Variants in ACP7 observed in about 807,000 individuals in gnomAD.
The protein encoded by ACP7 is acid phosphatase 7, tartrate resistant (putative).
In ACP7, 58 loss-of-function variants were observed where a neutral mutation model predicts 60.6. The ratio of observed to expected loss-of-function variants is 0.96; its 90% CI spans 0.77 to 1.19. The LOEUF is 1.19. ACP7 is among the 50% of genes most tolerant of loss of function. ACP7 has a pLI of 0.00. For missense variants in ACP7, 574 were observed against 596.2 expected, an observed-to-expected ratio of 0.96 and a Z score of 0.39; for synonymous variants, 237 against 232.6, an observed-to-expected ratio of 1.02 and a Z score of -0.17.
In ACP7 at chr19:39,100,974, G is replaced by C. The variant is rs140635548; in HGVS notation, c.833G>C (p.Arg278Pro). Residue 278 changes from arginine (R) to proline (P), a missense_variant, in exon 8 of 13, where the codon CGG (arginine) becomes CCG (proline). Coordinates refer to ENST00000331256, the MANE Select transcript of ACP7 (RefSeq NM_001004318.3). ...LQKANKNRAA[R>P]PWIITMGHRP... ...AAAGCCAATAAGAACCGGGCAGCCC[G>C]GCCGTGGATCATCACTATGGGGCAC... 6.4e-7 allele frequency: 1 copy of C among 1,570,260 alleles called. No homozygotes were observed.
rs570161050 is a variant in ACP7 at position 39,085,341 on chromosome 19, C to T, written c.72C>T (p.Ser24=). Reference sequence around the variant, plus strand: ...TATTCTCCTTGGGAGTCCAGGGGTCCCTGGGGGCTCCCAGCGCTGCCCCAG... The same window carrying T: ...TATTCTCCTTGGGAGTCCAGGGGTCTCTGGGGGCTCCCAGCGCTGCCCCAG... ...LLLFSLGVQG[S]LGAPSAAPEQ... The change falls in exon 2 of 13, where the codon TCC becomes TCT. Residue 24 remains serine, a synonymous_variant. Coordinates refer to ENST00000331256, the MANE Select transcript of ACP7 (RefSeq NM_001004318.3). 15 of 1,613,682 alleles carry T rather than the reference C, an allele frequency of 9.3e-6. No individual in the cohort carries two copies. Among genetic ancestry groups the T allele is most frequent in the South Asian group, 2.2e-5 (2 of 91,012 alleles).
At chr19:39,101,885 C>T (rs2145020582) in intron 11 of ACP7, among the ~76,000 whole-genome samples, 1 of 147,076 alleles carries the variant, frequency 6.8e-6, no homozygotes, top group Non-Finnish European at 1.5e-5. Flanking sequence ...TCTGGAGGAT[C>T]ACTTGAGGCC....
chr19:39,101,562 G>T (rs1027685373), intron 11 of ACP7, 25 bp downstream of exon 11: 1 of 1,606,042 alleles, frequency 6.2e-7, no homozygotes, highest in Non-Finnish European at 8.5e-7. Context: ...GGGTGGCTTT[G>T]CCTTCTCTCT....
intron 2 of ACP7, 77 bp downstream of exon 2, chr19:39,085,467 C>T (rs752000935): frequency 2.7e-6 from 4 of 1,507,084 alleles, no homozygotes; most frequent in Non-Finnish European, 1.8e-6. Flanking sequence ...GCTCAGGAAT[C>T]CCACACTGTG....
chr19:39,108,594 T>A (rs1229710143), intron 12 of ACP7, among the ~76,000 whole-genome samples: 3 of 152,006 alleles, frequency 2.0e-5, no homozygotes, highest in Non-Finnish European at 4.4e-5. Context: ...GTATTTACCA[T>A]TGTGAGGCAG....
intron 11 of ACP7, among the ~76,000 whole-genome samples, chr19:39,102,759 CTT>C (rs1491405619): frequency 0.019 from 1,586 of 84,362 alleles, 17 homozygotes; most frequent in Middle Eastern, 0.043. Flanking sequence ...TTCTTTCTTT[CTT>C]TCTTTCTCTC....
chr19:39,110,215 T>C lies in ACP7; in HGVS notation c.*97T>C. 1 of 1,147,106 alleles carries C rather than the reference T, an allele frequency of 8.7e-7. No homozygotes were observed. The highest frequency in any genetic ancestry group is 1.3e-5 in the South Asian group (1 of 75,164). 71.1% of individuals were successfully genotyped at this position (1,147,106 alleles called of 1,614,324 possible). On this transcript the variant is annotated 3_prime_UTR_variant, in exon 13 of 13. Transcript: ENST00000331256. The stretch of plus-strand genomic sequence containing the variant: ...CCTGGGTGGGGAGTTGGGTGGGCCC[T>C]GACTCCCCTGCCCTCCAGAGGCCCC...
chr19:39,097,043 GC>G (rs1277682413), intron 2 of ACP7, among the ~76,000 whole-genome samples: 1 of 152,124 alleles, frequency 6.6e-6, no homozygotes, highest in Non-Finnish European at 1.5e-5. Context: ...CTCGTGATCT[GC>G]CCACCTTGGC....
intron 2 of ACP7, among the ~76,000 whole-genome samples, chr19:39,097,963 G>T (rs2073286143): frequency 6.6e-6 from 1 of 152,026 alleles, no homozygotes; most frequent in African/African-American, 2.4e-5. Context: ...GGAAAGCTCA[G>T]CTTAGAAATG....
intron 11 of ACP7, among the ~76,000 whole-genome samples, chr19:39,104,575 G>T (rs2247813): frequency 0.022 from 3,389 of 152,152 alleles, 128 homozygotes; most frequent in African/African-American, 0.078. Context: ...GCACAAATTG[G>T]TTTTTTTCTT....
upstream of ACP7, chr19:39,084,081 G>A (rs1429385127): frequency 6.6e-6 from 1 of 152,356 alleles, no homozygotes; most frequent in South Asian, 2.1e-4. Context: ...ACGAGCGCAG[G>A]GTTACCTGCC....
At chr19:39,106,743 C>CT (rs1416089888) in intron 11 of ACP7, among the ~76,000 whole-genome samples, 1 of 152,156 alleles carries the variant, frequency 6.6e-6, no homozygotes, top group African/African-American at 2.4e-5. Context: ...AGGCTGGTCT[C>CT]TGACTCCTGA....
intron 2 of ACP7, among the ~76,000 whole-genome samples, chr19:39,092,938 C>A (rs2073220616): frequency 6.6e-6 from 1 of 151,348 alleles, no homozygotes; most frequent in Admixed American, 6.6e-5. Context: ...CCACTACACC[C>A]AGCTAATTTT....
Position 39,100,270 on chromosome 19 carries a change from G to A in ACP7, c.549G>A (p.Gly183=). 1 of 1,614,110 alleles carries A rather than the reference G, an allele frequency of 6.2e-7. No individual in the cohort carries two copies. The highest frequency in any genetic ancestry group is 1.1e-5 in the South Asian group (1 of 91,074). The change falls in exon 5 of 13, where the codon GGG becomes GGA. Residue 183 remains glycine (G), a synonymous_variant. Coordinates refer to ENST00000331256, the MANE Select transcript of ACP7 (RefSeq NM_001004318.3). ...YNLDQDNARV[G]DRFMRLIEPV... is the part of the protein sequence containing the mutation. ...TGGATCAGGACAACGCCCGTGTTGG[G>A]GATAGGTTCATGCGGCTCATTGAAC... is the stretch of plus-strand genomic sequence containing the variant.
chr19:39,100,892 C>A, intron 7 of ACP7, 39 bp downstream of exon 7: 1 of 1,609,568 alleles, frequency 6.2e-7, no homozygotes. Context: ...CCTGGCCAGC[C>A]CCACCTCCCC....
upstream of ACP7, chr19:39,084,068 G>A (rs2073112591): frequency 6.6e-6 from 1 of 152,392 alleles, no homozygotes; most frequent in African/African-American, 2.4e-5. Context: ...GGGCGCCTGA[G>A]GGACGAGCGC....
At chr19:39,102,118 T>TCACA (rs755325181) in intron 11 of ACP7, among the ~76,000 whole-genome samples, 25,737 of 132,698 alleles carry the variant, frequency 0.19, 2,840 homozygotes, top group East Asian at 0.29. Flanking sequence ...AGACCCTTTC[T>TCACA]CTCACACACA....
intron 11 of ACP7, among the ~76,000 whole-genome samples, chr19:39,102,755 CTTTCTTTCTT>C (rs1397699729): frequency 1.2e-5 from 1 of 83,658 alleles, no homozygotes; most frequent in African/African-American, 4.3e-5. Flanking sequence ...TTCTTTCTTT[CTTTCTTTCTT>C]TCTCTCTCTC....
rs555701273 is a variant in ACP7, at chr19:39,110,507, C to T, written c.*389C>T. 4.0e-5 allele frequency: 7 copies of T among 173,750 alleles called. No individual in the cohort carries two copies. The highest frequency in any genetic ancestry group is 1.2e-4 in the Admixed American group (2 of 17,146). The allele number at this position is 173,750 out of a possible 1,614,324, so 10.8% of individuals were successfully genotyped here. A position where few individuals can be genotyped will look rare whatever the true frequency, so the allele number is the denominator to read the frequency against. ...CTGGGCTTCCTCCTCTCCTGCCCAC[C>T]TGGCAAGGGCATCGCCAGGTGGGCA... On this transcript the variant is annotated 3_prime_UTR_variant, in exon 13 of 13. Transcript: ENST00000331256.
Sources: allele counts gnomAD v4.1 joint callset (sites outside exome capture counted in the v4.1 genomes callset), GRCh38; gene constraint gnomAD v4.1.1; transcripts MANE v1.5; gene names NCBI Gene and HGNC (gene_info 2026-07-23, HGNC 2026-07-21).